The following NLGN1 variants were observed in gnomAD, a reference collection of about 807,000 sequenced individuals.
NLGN1 encodes neuroligin-1.
Under a neutral mutation model 65.5 loss-of-function variants are expected in NLGN1, and 12 were observed. The ratio of observed to expected loss-of-function variants is 0.18; its 90% confidence interval spans 0.12 to 0.30. NLGN1 has a LOEUF of 0.30. NLGN1 is among the 10% of genes least tolerant of loss of function. The pLI is 1.00. For synonymous variants in NLGN1, 350 were observed against 359.5 expected (o/e 0.97, Z 0.30); for missense variants, 750 against 1,007.1 (o/e 0.74, Z 3.46).
At chr3:174,014,448 C>T (rs750497340) in intron 4 of NLGN1, among the ~76,000 whole-genome samples, 6 of 152,174 alleles carry the variant, frequency 3.9e-5, no homozygotes, top group Non-Finnish European at 7.3e-5. Context: ...ATTCTACTTA[C>T]GCTGCAAGGC....
intron 4 of NLGN1, among the ~76,000 whole-genome samples, chr3:174,047,111 A>G (rs1385472934): frequency 6.6e-6 from 1 of 152,028 alleles, no homozygotes; most frequent in Non-Finnish European, 1.5e-5. Flanking sequence ...TAACTTAAGC[A>G]CAAAACAATA....
At chr3:173,456,247 A>T (rs146115560) in intron 2 of NLGN1, among the ~76,000 whole-genome samples, 1 of 152,264 alleles carries the variant, frequency 6.6e-6, no homozygotes, top group Non-Finnish European at 1.5e-5. Flanking sequence ...CTCTAAGAAG[A>T]GAGTAAAGAG....
chr3:173,715,797 G>A (rs971847754), intron 3 of NLGN1, among the ~76,000 whole-genome samples: 23 of 152,108 alleles, frequency 1.5e-4, no homozygotes, highest in Admixed American at 2.6e-4. Flanking sequence ...AACTGCTTTA[G>A]TTGATAGTTT....
At chr3:174,140,838 AC>A (rs1353047022) in intron 4 of NLGN1, among the ~76,000 whole-genome samples, 1 of 152,168 alleles carries the variant, frequency 6.6e-6, no homozygotes, top group African/African-American at 2.4e-5. Context: ...TTAAGTGTTC[AC>A]AAATTTTATA....
At chr3:173,563,089 T>A (rs1366115993) in intron 2 of NLGN1, among the ~76,000 whole-genome samples, 1 of 152,220 alleles carries the variant, frequency 6.6e-6, no homozygotes, top group Non-Finnish European at 1.5e-5. Context: ...TGTTGCAGTG[T>A]CCAGCAAATC....
intron 3 of NLGN1, among the ~76,000 whole-genome samples, chr3:173,729,575 TG>T (rs1772433977): frequency 6.6e-6 from 1 of 152,120 alleles, no homozygotes; most frequent in South Asian, 2.1e-4. Context: ...GCTTTTCTAA[TG>T]ATTCTTCTTA....
chr3:173,880,557 A>G (rs1329909929), intron 4 of NLGN1, among the ~76,000 whole-genome samples: 1 of 151,148 alleles, frequency 6.6e-6, no homozygotes, highest in Non-Finnish European at 1.5e-5. Context: ...TTAGGTGTAC[A>G]ATATAAGTAT....
chr3:173,927,298 G>A (rs561783832), intron 4 of NLGN1, among the ~76,000 whole-genome samples: 2 of 152,214 alleles, frequency 1.3e-5, no homozygotes, highest in East Asian at 1.9e-4. Context: ...TCCTGACCTC[G>A]TGATCCATCC....
intron 4 of NLGN1, among the ~76,000 whole-genome samples, chr3:174,194,109 T>C (rs1732911939): frequency 6.6e-6 from 1 of 152,106 alleles, no homozygotes; most frequent in Non-Finnish European, 1.5e-5. Context: ...TATTGTGATA[T>C]AATATTTATT....
chr3:173,771,586 T>C (rs577573454), intron 3 of NLGN1, among the ~76,000 whole-genome samples: 40 of 34,822 alleles, frequency 1.1e-3, no homozygotes, highest in African/African-American at 3.0e-3. Flanking sequence ...GTATGAGGTT[T>C]GTATGTTACC....
chr3:173,437,784 AAC>A (rs371529522), intron 2 of NLGN1, among the ~76,000 whole-genome samples: 2 of 150,370 alleles, frequency 1.3e-5, no homozygotes, highest in Non-Finnish European at 1.5e-5. Flanking sequence ...CCCACCCACC[AAC>A]ACACACACAC....
chr3:173,595,840 T>C, intron 2 of NLGN1, among the ~76,000 whole-genome samples: 1 of 152,148 alleles, frequency 6.6e-6, no homozygotes, highest in East Asian at 1.9e-4. Context: ...GATAAGACAA[T>C]CAGATCTCAT....
At chr3:173,539,916 CAT>C (rs1738527989) in intron 2 of NLGN1, among the ~76,000 whole-genome samples, 1 of 142,018 alleles carries the variant, frequency 7.0e-6, no homozygotes. Context: ...GTATATATAA[CAT>C]ACGTGTGTGT....
At chr3:174,071,688 A>G (rs2152535268) in intron 4 of NLGN1, among the ~76,000 whole-genome samples, 1 of 150,592 alleles carries the variant, frequency 6.6e-6, no homozygotes, top group South Asian at 2.1e-4. Flanking sequence ...CCTGGATGAC[A>G]CAGCGAGACC....
intron 4 of NLGN1, among the ~76,000 whole-genome samples, chr3:174,065,867 T>C (rs73880330): frequency 0.026 from 4,011 of 152,156 alleles, 184 homozygotes; most frequent in African/African-American, 0.091. Flanking sequence ...CTCTGACCAA[T>C]AGCCGGCAAG....
chr3:173,820,620 C>T (rs887189121), intron 4 of NLGN1, among the ~76,000 whole-genome samples: 2 of 152,002 alleles, frequency 1.3e-5, no homozygotes, highest in African/African-American at 4.8e-5. Flanking sequence ...ACTTTATTAA[C>T]AAAAATAATA....
At chr3:173,946,322 G>A (rs183213457) in intron 4 of NLGN1, among the ~76,000 whole-genome samples, 1 of 152,256 alleles carries the variant, frequency 6.6e-6, no homozygotes, top group East Asian at 1.9e-4. Context: ...GGTTGTGTGT[G>A]TGTGTATGTG....
At chr3:173,851,117 G>T (rs777803403) in intron 4 of NLGN1, among the ~76,000 whole-genome samples, 2 of 151,930 alleles carry the variant, frequency 1.3e-5, no homozygotes, top group African/African-American at 2.4e-5. Context: ...TTTTATATCC[G>T]ATTGATCAAG....
chr3:174,237,598 C>T (rs1172685581), intron 4 of NLGN1, among the ~76,000 whole-genome samples: 1 of 152,012 alleles, frequency 6.6e-6, no homozygotes, highest in Non-Finnish European at 1.5e-5. Flanking sequence ...TACTCTGTCA[C>T]CCAGCTGGAC....
Sources: allele counts gnomAD v4.1 joint callset (sites outside exome capture counted in the v4.1 genomes callset), GRCh38; gene constraint gnomAD v4.1.1; transcripts MANE v1.5; gene names NCBI Gene and HGNC (gene_info 2026-07-23, HGNC 2026-07-21).